Variants in RGS20 observed in about 807,000 individuals in gnomAD.
RGS20 encodes the protein regulator of G protein signaling 20.
In RGS20, 30 loss-of-function variants were observed where a neutral mutation model predicts 33.6. The observed-to-expected ratio is 0.89, with a 90% CI of 0.67 to 1.21. The LOEUF (loss-of-function observed/expected upper bound fraction) is 1.21, where lower values mean the gene tolerates loss of function less well. Ranked by LOEUF, RGS20 falls within the 50% of genes most tolerant of loss-of-function variation. The pLI is 0.00. For synonymous variants in RGS20, 208 were observed against 197.9 expected (o/e 1.05, Z -0.43); for missense variants, 472 against 502.4 (o/e 0.94, Z 0.58).
chr8:53,914,094 C>T (rs1489305644), intron 2 of RGS20, among the ~76,000 whole-genome samples: 5 of 143,240 alleles, frequency 3.5e-5, no homozygotes, highest in African/African-American at 8.1e-5. Flanking sequence ...GCAGTGGCAC[C>T]GTCATGGCTC....
chr8:53,948,129 T>C (rs1196759975), intron 4 of RGS20, among the ~76,000 whole-genome samples: 2 of 135,444 alleles, frequency 1.5e-5, no homozygotes, highest in Admixed American at 1.6e-4. Context: ...GTAGTATATA[T>C]ATGCTATATA....
intron 3 of RGS20, among the ~76,000 whole-genome samples, chr8:53,940,244 A>G (rs978603136): frequency 3.9e-5 from 6 of 152,218 alleles, no homozygotes; most frequent in East Asian, 1.9e-4. Flanking sequence ...AGGAAGACAC[A>G]CAGACAGTCA....
chr8:53,903,829 C>T (rs147421069), intron 2 of RGS20, among the ~76,000 whole-genome samples: 393 of 152,322 alleles, frequency 2.6e-3, no homozygotes, highest in African/African-American at 8.6e-3. Flanking sequence ...CTTCTTACAG[C>T]TCCTACCAGA....
intron 2 of RGS20, chr8:53,880,923 A>T: frequency 6.5e-7 from 1 of 1,546,608 alleles, no homozygotes; most frequent in African/African-American, 1.4e-5. Context: ...AAAGACCGAG[A>T]GCCGGAGAAA....
chr8:53,935,010 A>G (rs1276024139), intron 2 of RGS20, among the ~76,000 whole-genome samples: 2 of 152,218 alleles, frequency 1.3e-5, no homozygotes, highest in Non-Finnish European at 2.9e-5. Context: ...TTGAATGACT[A>G]CTGAGTAAAT....
Position 53,877,577 on chromosome 8 carries a change from G to T in RGS20, c.166-1681G>T, listed in dbSNP as rs894726356. On this transcript the variant is annotated intron_variant, in intron 1 of 5. Coordinates refer to ENST00000297313, the MANE Select transcript of RGS20 (RefSeq NM_170587.4). This position sits in a 1 kb window ranked among gnomAD's most constrained non-coding sequence, Gnocchi z 5.7. ...ACTTTCCCCCTCGAGGGAGCTGTTG[G>T]CGCTTCTCCAGAAGCCTCCTCGGCT... is the stretch of plus-strand genomic sequence containing the variant. Among the ~76,000 whole-genome samples, 3 of 152,202 alleles carry T rather than the reference G, an allele frequency of 2.0e-5. No individual in the cohort carries two copies. Among genetic ancestry groups the T allele is most frequent in the Non-Finnish European group, 4.4e-5 (3 of 68,026 alleles).
At chr8:53,869,012 CAA>C (rs1298235999) in intron 1 of RGS20, among the ~76,000 whole-genome samples, 2 of 152,156 alleles carry the variant, frequency 1.3e-5, no homozygotes, top group African/African-American at 4.8e-5. Flanking sequence ...CTCAGCCTCC[CAA>C]AGTGCTGAGA....
At chr8:53,881,048 G>A in intron 2 of RGS20, 2 of 1,564,172 alleles carry the variant, frequency 1.3e-6, no homozygotes, top group Non-Finnish European at 1.7e-6. Context: ...AGCCGGCCGG[G>A]GCTTCCTCCC....
At chr8:53,904,943 CAGAAG>C (rs1403023028) in intron 2 of RGS20, among the ~76,000 whole-genome samples, 2 of 152,122 alleles carry the variant, frequency 1.3e-5, no homozygotes, top group African/African-American at 4.8e-5. Flanking sequence ...TTAGTAATGG[CAGAAG>C]AGAAGAGAAA....
chr8:53,937,039 C>T (rs1215938679), intron 2 of RGS20, among the ~76,000 whole-genome samples: 1 of 152,004 alleles, frequency 6.6e-6, no homozygotes, highest in African/African-American at 2.4e-5. Context: ...ACTGGCTAGC[C>T]ATATGCAGAA....
intron 2 of RGS20, among the ~76,000 whole-genome samples, chr8:53,916,618 C>G (rs1307260864): frequency 6.6e-6 from 1 of 152,102 alleles, no homozygotes; most frequent in Non-Finnish European, 1.5e-5. Context: ...TCTTATCTGT[C>G]AATTCCTGAT....
chr8:53,946,564 T>C, intron 3 of RGS20, 101 bp from the exon 3 acceptor site: 2 of 996,624 alleles, frequency 2.0e-6, no homozygotes. Context: ...GAAGAAATTC[T>C]ATTAATACTT....
intron 2 of RGS20, among the ~76,000 whole-genome samples, chr8:53,890,154 G>A (rs547640230): frequency 1.1e-4 from 17 of 151,742 alleles, no homozygotes; most frequent in Admixed American, 5.9e-4. Flanking sequence ...TGTTCATTTC[G>A]CATATCTTTC....
rs142387449 is a variant in RGS20, at chr8:53,872,815, G to A, written c.166-6443G>A. Among the ~76,000 whole-genome samples the A allele has an allele frequency of 3.4e-4, 51 of 152,228 alleles. 1 individual carries two copies. The highest frequency in any genetic ancestry group is 9.2e-4 in the African/African-American group (38 of 41,522). ...TCCTCCCTGAATGGACTTCTTGGGC[G>A]CCTCTCAGCTCACATCTTGAGGGTT... On this transcript the variant is annotated intron_variant, in intron 1 of 5. Coordinates refer to ENST00000297313, the MANE Select transcript of RGS20 (RefSeq NM_170587.4).
At chr8:53,890,554 A>G (rs1216001962) in intron 2 of RGS20, among the ~76,000 whole-genome samples, 1 of 152,172 alleles carries the variant, frequency 6.6e-6, no homozygotes, top group Non-Finnish European at 1.5e-5. Context: ...CCTTGGAGGG[A>G]TTTCCTGTCT....
chr8:53,907,230 A>AT (rs1006164381), intron 2 of RGS20, among the ~76,000 whole-genome samples: 1 of 151,510 alleles, frequency 6.6e-6, no homozygotes, highest in Non-Finnish European at 1.5e-5. Flanking sequence ...TGTGAACCAC[A>AT]TTTTTTTTCT....
At chr8:53,883,434 GATT>G (rs1225584622) in intron 2 of RGS20, among the ~76,000 whole-genome samples, 19 of 152,044 alleles carry the variant, frequency 1.2e-4, no homozygotes, top group African/African-American at 3.1e-4. Flanking sequence ...AAAGTTCTGG[GATT>G]ACAGGAGTGA....
chr8:53,879,311 C>A lies in RGS20; in HGVS notation c.219C>A (p.Gly73=). 1.9e-6 allele frequency: 3 copies of A among 1,613,556 alleles called. No homozygotes were observed. The highest frequency in any genetic ancestry group is 2.5e-6 in the Non-Finnish European group (3 of 1,179,970). The change falls in exon 2 of 6, where the codon GGC becomes GGA. Residue 73 remains glycine, a synonymous_variant. Transcript: ENST00000297313. ...CGCCCGCCGCCCCGAAGCTGTTCGG[C>A]CTCCTTTCTAGCCCGCTTTCCAGCC...
chr8:53,855,809 A>G (rs932520336), intron 1 of RGS20, among the ~76,000 whole-genome samples: 1 of 152,246 alleles, frequency 6.6e-6, no homozygotes, highest in Non-Finnish European at 1.5e-5. Flanking sequence ...AACTGACAAT[A>G]TGACACACAA....
Sources: allele counts gnomAD v4.1 joint callset (sites outside exome capture counted in the v4.1 genomes callset), GRCh38; gene constraint gnomAD v4.1.1; non-coding constraint Gnocchi (gnomAD v3.1); transcripts MANE v1.5; gene names NCBI Gene and HGNC (gene_info 2026-07-23, HGNC 2026-07-21).